Variants in TMTC2 observed in about 807,000 individuals in gnomAD.
The protein encoded by TMTC2 is transmembrane O-mannosyltransferase targeting cadherins 2, also known as protein O-mannosyl-transferase TMTC2.
A neutral mutation model predicts 82.4 loss-of-function variants in TMTC2; 43 were observed. The observed-to-expected ratio is 0.52, with a 90% CI of 0.41 to 0.67. TMTC2 has a LOEUF of 0.67. Ranked by LOEUF, TMTC2 falls within the 30% of genes least tolerant of loss-of-function variation. The probability of loss-of-function intolerance (pLI) is 0.00; values close to 1 mark genes in which losing one functional copy is unlikely to be tolerated. For missense variants in TMTC2, 919 were observed against 1,012.4 expected (o/e 0.91, Z 1.25); for synonymous variants, 408 against 381.9 (o/e 1.07, Z -0.80).
rs375668767 is a variant in TMTC2 at position 82,949,271 on chromosome 12, G to A, written c.1599-15753G>A. Among the ~76,000 whole-genome samples, 64 of 152,314 alleles carry A rather than the reference G, an allele frequency of 4.2e-4. 1 individual carries two copies. Among genetic ancestry groups the A allele is most frequent in the Middle Eastern group, 3.4e-3 (1 of 294 alleles). The stretch of plus-strand genomic sequence containing the variant: ...TAGTAAATCAGTATATAGGTTTAAA[G>A]TTAAATCATTTGTGGTTAGTGCCTT... On this transcript the variant is annotated intron_variant, in intron 4 of 11. Coordinates refer to ENST00000321196, the MANE Select transcript of TMTC2 (RefSeq NM_152588.3).
intron 8 of TMTC2, among the ~76,000 whole-genome samples, chr12:83,027,033 T>G (rs1349308408): frequency 2.0e-5 from 3 of 151,154 alleles, no homozygotes; most frequent in Admixed American, 6.6e-5. Flanking sequence ...GGGATGGTGG[T>G]TTTTTTTTGT....
At chr12:82,869,886 A>T (rs998589709) in intron 2 of TMTC2, among the ~76,000 whole-genome samples, 1 of 151,888 alleles carries the variant, frequency 6.6e-6, no homozygotes, top group African/African-American at 2.4e-5. Flanking sequence ...TAAGAAAAGA[A>T]TTTGAGGCCC....
intron 1 of TMTC2, among the ~76,000 whole-genome samples, chr12:82,694,254 T>G (rs967430675): frequency 3.9e-5 from 6 of 152,138 alleles, no homozygotes; most frequent in Middle Eastern, 3.2e-3. Flanking sequence ...CTAGAGATAA[T>G]TATTTTAAAG....
chr12:82,921,699 T>G (rs1875403495), intron 3 of TMTC2, among the ~76,000 whole-genome samples: 1 of 152,210 alleles, frequency 6.6e-6, no homozygotes, highest in South Asian at 2.1e-4. Context: ...ATTGGGATTT[T>G]GGAACAACAA....
At chr12:82,699,888 G>A (rs1420819840) in intron 1 of TMTC2, among the ~76,000 whole-genome samples, 2 of 152,056 alleles carry the variant, frequency 1.3e-5, no homozygotes, top group African/African-American at 4.8e-5. Flanking sequence ...GACAATATTT[G>A]AAAAACAAAG....
chr12:82,876,028 CGGTGGT>C (rs748180026), intron 2 of TMTC2, among the ~76,000 whole-genome samples: 4,802 of 83,378 alleles, frequency 0.058, 486 homozygotes, highest in African/African-American at 0.22. Context: ...GTAGTGGTGG[CGGTGGT>C]GGTGGTGGTG....
chr12:82,916,876 T>A (rs1180531192), intron 3 of TMTC2, among the ~76,000 whole-genome samples: 1 of 152,206 alleles, frequency 6.6e-6, no homozygotes, highest in Non-Finnish European at 1.5e-5. Context: ...GAATTACATA[T>A]AAGTACATAG....
intron 1 of TMTC2, among the ~76,000 whole-genome samples, chr12:82,798,667 C>T (rs147678813): frequency 1.7e-3 from 251 of 150,410 alleles, no homozygotes; most frequent in African/African-American, 5.9e-3. Flanking sequence ...ATTAGCTGGG[C>T]GTTGTGGTGG....
chr12:82,865,497 C>G (rs187532920), intron 2 of TMTC2, among the ~76,000 whole-genome samples: 1 of 152,130 alleles, frequency 6.6e-6, no homozygotes, highest in Non-Finnish European at 1.5e-5. Context: ...ACAGGAGCAC[C>G]CAAATTCATA....
intron 8 of TMTC2, among the ~76,000 whole-genome samples, chr12:83,029,681 C>G (rs1881343215): frequency 6.6e-6 from 1 of 152,102 alleles, no homozygotes; most frequent in South Asian, 2.1e-4. Context: ...CCATGCCAAA[C>G]AAGATAGAAC....
intron 4 of TMTC2, among the ~76,000 whole-genome samples, chr12:82,933,881 A>G (rs1161520903): frequency 1.3e-5 from 2 of 152,192 alleles, no homozygotes; most frequent in Admixed American, 6.5e-5. Flanking sequence ...AATTTAAGGA[A>G]CATTACCTTA....
At chr12:82,822,287 A>G (rs1869160622) in intron 1 of TMTC2, among the ~76,000 whole-genome samples, 1 of 152,154 alleles carries the variant, frequency 6.6e-6, no homozygotes, top group Non-Finnish European at 1.5e-5. Context: ...ACTGTAAGGT[A>G]AACTATGGAC....
intron 1 of TMTC2, among the ~76,000 whole-genome samples, chr12:82,798,759 A>G (rs958251507): frequency 2.0e-5 from 3 of 147,014 alleles, no homozygotes; most frequent in African/African-American, 7.6e-5. Flanking sequence ...TTGAGCTGAG[A>G]TCACACCACT....
At chr12:82,769,523 A>G (rs564732054) in intron 1 of TMTC2, among the ~76,000 whole-genome samples, 1 of 152,146 alleles carries the variant, frequency 6.6e-6, no homozygotes, top group Non-Finnish European at 1.5e-5. Flanking sequence ...CTGCTGAACA[A>G]TTATGACAAC....
chr12:82,722,703 C>T (rs1392525234), intron 1 of TMTC2, among the ~76,000 whole-genome samples: 1 of 152,056 alleles, frequency 6.6e-6, no homozygotes, highest in African/African-American at 2.4e-5. Flanking sequence ...GATCATCCCA[C>T]TGCATTTCGG....
chr12:82,893,369 C>CAAAA (rs71443447), intron 2 of TMTC2, among the ~76,000 whole-genome samples: 2 of 122,634 alleles, frequency 1.6e-5, no homozygotes, highest in Admixed American at 8.3e-5. Context: ...GACTCTATCT[C>CAAAA]AAAAAAAAAA....
At chr12:82,763,259 A>G (rs986911576) in intron 1 of TMTC2, among the ~76,000 whole-genome samples, 1 of 61,126 alleles carries the variant, frequency 1.6e-5, no homozygotes, top group Non-Finnish European at 4.0e-5. Flanking sequence ...GAAGACAGAA[A>G]GACAGAAAGT....
At chr12:82,947,411 C>T (rs943620858) in intron 4 of TMTC2, among the ~76,000 whole-genome samples, 12 of 149,616 alleles carry the variant, frequency 8.0e-5, no homozygotes, top group Non-Finnish European at 1.3e-4. Context: ...GGCGCGATCT[C>T]GGCTCACTGC....
At chr12:82,771,483 A>G (rs968073850) in intron 1 of TMTC2, among the ~76,000 whole-genome samples, 6 of 152,136 alleles carry the variant, frequency 3.9e-5, no homozygotes, top group Non-Finnish European at 8.8e-5. Context: ...TCACTTATCA[A>G]TTAGATGGGC....
Sources: gnomAD v4.1 joint callset for allele counts (sites outside exome capture counted in the v4.1 genomes callset) on GRCh38, gnomAD v4.1.1 for gene constraint, MANE v1.5 for transcripts, NCBI Gene and HGNC (gene_info 2026-07-23, HGNC 2026-07-21) for gene names.